The following ROBO1 variants were observed in gnomAD, a reference collection of about 807,000 sequenced individuals.
ROBO1 encodes roundabout guidance receptor 1, also known as roundabout homolog 1.
In ROBO1, 149 loss-of-function variants were observed where a neutral mutation model predicts 195.9. That is an observed-to-expected ratio of 0.76 (90% CI 0.67 to 0.87). ROBO1 has a LOEUF of 0.87. Ranked by LOEUF, ROBO1 falls within the 40% of genes least tolerant of loss-of-function variation. ROBO1 has a pLI of 0.00. For missense variants in ROBO1, 1,933 were observed against 2,068.3 expected (o/e 0.93, Z 1.27); for synonymous variants, 816 against 733.2 (o/e 1.11, Z -1.82).
intron 8 of ROBO1, among the ~76,000 whole-genome samples, chr3:78,707,051 C>T (rs2081569178): frequency 6.6e-6 from 1 of 152,118 alleles, no homozygotes; most frequent in Admixed American, 6.5e-5. Context: ...AACTTAAAGA[C>T]TCAGACAAAC....
intron 2 of ROBO1, among the ~76,000 whole-genome samples, chr3:79,550,197 A>AAAGAAAGAAAGAAAG (rs142251104): frequency 1.6e-4 from 3 of 19,298 alleles, no homozygotes; most frequent in African/African-American, 4.3e-4. Context: ...GAAAGAAAGG[A>AAAGAAAGAAAGAAAG]AAAGAAAAGA....
chr3:79,708,821 C>G (rs1028340946), intron 1 of ROBO1, among the ~76,000 whole-genome samples: 1 of 152,070 alleles, frequency 6.6e-6, no homozygotes, highest in Non-Finnish European at 1.5e-5. Flanking sequence ...GAGCTGTGAT[C>G]GTGCCACTGC....
Position 78,899,800 on chromosome 3 carries a change from T to TA in ROBO1, c.499+38800dup, listed in dbSNP as rs1319153836. 4.6e-5 allele frequency among the ~76,000 whole-genome samples: 7 copies of TA among 151,978 alleles called. No homozygotes were observed. In the East Asian group the frequency reaches 7.7e-4, roughly 17 times the overall value. On this transcript the variant is annotated intron_variant, in intron 4 of 30. Coordinates refer to ENST00000464233, the MANE Select transcript of ROBO1 (RefSeq NM_002941.4). ...GGTTTTCCTTAAAAATAATATTACC[T>TA]AAAAAAAACAACACATCCTGTCAAA...
At chr3:78,599,097 T>C (rs1703012432) in intron 30 of ROBO1, among the ~76,000 whole-genome samples, 170 bp from the exon 31 acceptor site, 1 of 152,174 alleles carries the variant, frequency 6.6e-6, no homozygotes, top group African/African-American at 2.4e-5. Context: ...CCTTAATTGG[T>C]CTTCACAGCA....
At chr3:79,751,440 A>T (rs901917501) in intron 1 of ROBO1, among the ~76,000 whole-genome samples, 1 of 152,296 alleles carries the variant, frequency 6.6e-6, no homozygotes, top group East Asian at 1.9e-4. Flanking sequence ...AAAATTCAAT[A>T]TATCCTCATC....
rs138712582 is a variant in ROBO1, at chr3:78,881,311, C to T, written c.499+57290G>A. 4.6e-4 allele frequency among the ~76,000 whole-genome samples: 70 copies of T among 152,266 alleles called. No individual in the cohort carries two copies. The East Asian group carries it at 7.7e-3, about 17-fold the overall frequency. On this transcript the variant is annotated intron_variant, in intron 4 of 30. Coordinates refer to ENST00000464233, the MANE Select transcript of ROBO1 (RefSeq NM_002941.4). Reference sequence around the variant, plus strand: ...TGTGTTACGGAGCCCCTCTTAAGTCCGCATTCCCCTTAGGGCATTCACCTC... The same window carrying T: ...TGTGTTACGGAGCCCCTCTTAAGTCTGCATTCCCCTTAGGGCATTCACCTC...
At chr3:78,742,353 A>G (rs910348176) in intron 5 of ROBO1, among the ~76,000 whole-genome samples, 3 of 152,146 alleles carry the variant, frequency 2.0e-5, no homozygotes, top group Admixed American at 2.0e-4. Flanking sequence ...ACGTACAATG[A>G]CTAATAACCA....
intron 1 of ROBO1, among the ~76,000 whole-genome samples, chr3:79,657,432 G>A (rs1946200600): frequency 6.6e-6 from 1 of 151,946 alleles, no homozygotes. Flanking sequence ...TTTGATGAAT[G>A]TAAAAGACTA....
At chr3:78,926,315 G>A (rs2039218032) in intron 4 of ROBO1, among the ~76,000 whole-genome samples, 1 of 152,168 alleles carries the variant, frequency 6.6e-6, no homozygotes, top group Non-Finnish European at 1.5e-5. Context: ...AGGGACTGAT[G>A]AGATTTGTAC....
chr3:78,662,236 G>T, intron 14 of ROBO1, 122 bp from the exon 15 acceptor site: 13 of 700,642 alleles, frequency 1.9e-5, no homozygotes, highest in Admixed American at 4.6e-5. Context: ...AAGCCAGGCT[G>T]TGATTCGGAA....
At chr3:78,883,098 C>T (rs1270105392) in intron 4 of ROBO1, among the ~76,000 whole-genome samples, 2 of 152,156 alleles carry the variant, frequency 1.3e-5, no homozygotes, top group Non-Finnish European at 2.9e-5. Context: ...CAAGCATAAG[C>T]CACTGTGCTG....
At chr3:79,597,961 G>A (rs957259300) in intron 1 of ROBO1, among the ~76,000 whole-genome samples, 18 of 151,976 alleles carry the variant, frequency 1.2e-4, no homozygotes, top group East Asian at 1.9e-4. Context: ...AATCACGGCC[G>A]TTTTGTTTGG....
chr3:79,481,695 G>A (rs1226555363), intron 2 of ROBO1, among the ~76,000 whole-genome samples: 6 of 152,084 alleles, frequency 3.9e-5, no homozygotes, highest in Non-Finnish European at 7.4e-5. Context: ...TTGATCTCTA[G>A]TTGTCATTTT....
chr3:78,925,136 AC>A (rs1359279975), intron 4 of ROBO1, among the ~76,000 whole-genome samples: 2 of 152,126 alleles, frequency 1.3e-5, no homozygotes. Context: ...GTTAATGAAT[AC>A]TTTTTTCTGC....
intron 3 of ROBO1, among the ~76,000 whole-genome samples, chr3:79,042,475 G>A (rs549283012): frequency 1.3e-5 from 2 of 152,054 alleles, no homozygotes; most frequent in African/African-American, 4.8e-5. Flanking sequence ...CAAAAACCCT[G>A]GTTCCTTCTA....
At chr3:79,585,590 A>G (rs1441507787) in intron 2 of ROBO1, among the ~76,000 whole-genome samples, 2 of 152,126 alleles carry the variant, frequency 1.3e-5, no homozygotes, top group East Asian at 3.9e-4. Context: ...ATCTCCAAAT[A>G]ACTTTTTCCC....
At chr3:78,640,371 C>A (rs1017859355) in intron 21 of ROBO1, among the ~76,000 whole-genome samples, 1 of 152,110 alleles carries the variant, frequency 6.6e-6, no homozygotes, top group African/African-American at 2.4e-5. Context: ...AATGTACTGG[C>A]GTATTTTTCT....
chr3:79,225,507 C>T lies in ROBO1; in HGVS notation c.89-99968G>A, dbSNP rs145432347. Among the ~76,000 whole-genome samples the T allele has an allele frequency of 7.1e-4, 108 of 152,294 alleles. 1 individual carries two copies. The highest frequency in any genetic ancestry group is 2.5e-3 in the African/African-American group (102 of 41,572). On this transcript the variant is annotated intron_variant, in intron 2 of 30. Coordinates refer to ENST00000464233, the MANE Select transcript of ROBO1 (RefSeq NM_002941.4). ...GAATGAGCAAATTCTAATTTACTAT[C>T]AACTTCTTGGAGTTTCCTCTCTGTC...
intron 26 of ROBO1, among the ~76,000 whole-genome samples, chr3:78,623,129 T>C (rs900187063): frequency 6.6e-6 from 1 of 152,180 alleles, no homozygotes; most frequent in Non-Finnish European, 1.5e-5. Flanking sequence ...ATGAAATAGA[T>C]ATCCATGTCT....
Sources: allele counts gnomAD v4.1 joint callset (sites outside exome capture counted in the v4.1 genomes callset), GRCh38; gene constraint gnomAD v4.1.1; transcripts MANE v1.5; gene names NCBI Gene and HGNC (gene_info 2026-07-23, HGNC 2026-07-21).